SUMF1: variants seen among roughly 807,000 people sequenced by gnomAD.
The protein encoded by SUMF1 is sulfatase modifying factor 1, also known as formylglycine-generating enzyme.
Under a neutral mutation model 47.6 loss-of-function variants are expected in SUMF1, and 48 were observed. The ratio of observed to expected loss-of-function variants is 1.01; its 90% CI spans 0.80 to 1.28. The LOEUF (loss-of-function observed/expected upper bound fraction) is 1.28, where lower values mean the gene tolerates loss of function less well. SUMF1 is among the 50% of genes most tolerant of loss of function. The probability of loss-of-function intolerance (pLI) is 0.00; values close to 1 mark genes in which losing one functional copy is unlikely to be tolerated. For synonymous variants in SUMF1, 230 were observed against 192.1 expected, an observed-to-expected ratio of 1.20 and a Z score of -1.63; for missense variants, 571 against 485.4, an observed-to-expected ratio of 1.18 and a Z score of -1.66.
At chr3:4,047,910 C>T (rs934298973) in intron 9 of SUMF1, among the ~76,000 whole-genome samples, 7 of 152,046 alleles carry the variant, frequency 4.6e-5, no homozygotes, top group South Asian at 2.1e-4. Flanking sequence ...ATCTTACATG[C>T]TTTTATCATT....
At chr3:4,407,737 T>G (rs912524875) in intron 7 of SUMF1, among the ~76,000 whole-genome samples, 1 of 152,050 alleles carries the variant, frequency 6.6e-6, no homozygotes, top group African/African-American at 2.4e-5. Flanking sequence ...CCTAGAGAGG[T>G]GAAACTGTTT....
At chr3:4,269,603 A>G (rs1176491491) in intron 8 of SUMF1, among the ~76,000 whole-genome samples, 1 of 152,188 alleles carries the variant, frequency 6.6e-6, no homozygotes, top group South Asian at 2.1e-4. Context: ...GAGAGTTAAC[A>G]AAGACCAGAA....
At chr3:4,056,576 T>G (rs1253050291) in intron 9 of SUMF1, among the ~76,000 whole-genome samples, 1 of 151,972 alleles carries the variant, frequency 6.6e-6, no homozygotes. Flanking sequence ...GAGGATCGCT[T>G]GAGCCTAAAC....
At chr3:4,278,861 T>C (rs900049032) in intron 8 of SUMF1, among the ~76,000 whole-genome samples, 3 of 152,136 alleles carry the variant, frequency 2.0e-5, no homozygotes, top group African/African-American at 7.2e-5. Context: ...ATAATAAAAA[T>C]TCCCCATAGT....
rs530863340 is a variant in SUMF1 at position 4,368,598 on chromosome 3, C to G, written c.1015-6344G>C. On this transcript the variant is annotated intron_variant, in intron 8 of 8. Coordinates refer to ENST00000272902, the MANE Select transcript of SUMF1 (RefSeq NM_182760.4). ...ACTTGGAACCAACCCAAATGTCCAA[C>G]CATGACAGACTGGATTAAGAAAATG... Among the ~76,000 whole-genome samples the G allele has an allele frequency of 7.9e-5, 12 of 152,252 alleles. No homozygotes were observed. The South Asian group carries it at 1.0e-3, about 13-fold the overall frequency.
At chr3:4,404,993 G>A (rs758259914) in intron 7 of SUMF1, among the ~76,000 whole-genome samples, 1 of 152,198 alleles carries the variant, frequency 6.6e-6, no homozygotes, top group African/African-American at 2.4e-5. Flanking sequence ...GAAAATGGCA[G>A]TCTCATCGCC....
intron 8 of SUMF1, among the ~76,000 whole-genome samples, chr3:4,352,552 C>G (rs1489614311): frequency 6.6e-6 from 1 of 152,118 alleles, no homozygotes; most frequent in African/African-American, 2.4e-5. Flanking sequence ...GGTCCCACCA[C>G]AATGTCACCT....
At chr3:4,140,072 C>G (rs961667730) in intron 8 of SUMF1, among the ~76,000 whole-genome samples, 4 of 152,056 alleles carry the variant, frequency 2.6e-5, no homozygotes, top group Non-Finnish European at 5.9e-5. Context: ...TCTCGCCTAA[C>G]TCAAAACTCT....
chr3:4,444,647 T>C lies in SUMF1; in HGVS notation c.519+4619A>G, dbSNP rs9870068. Reference sequence around the variant, plus strand: ...GATTATAGACTAGTCTATCATCCCCTGTGTCCTTGAAAACCAGTATTCCTG... The same window carrying C: ...GATTATAGACTAGTCTATCATCCCCCGTGTCCTTGAAAACCAGTATTCCTG... On this transcript the variant is annotated intron_variant, in intron 3 of 8. Transcript: ENST00000272902. 9.4e-3 allele frequency among the ~76,000 whole-genome samples: 1,427 copies of C among 152,306 alleles called. 25 individuals carry two copies. The highest frequency in any genetic ancestry group is 0.033 in the African/African-American group (1,362 of 41,564).
At chr3:4,304,973 G>C (rs991588388) in intron 8 of SUMF1, among the ~76,000 whole-genome samples, 4 of 151,478 alleles carry the variant, frequency 2.6e-5, no homozygotes, top group East Asian at 1.9e-4. Flanking sequence ...TCAAAGTGGT[G>C]GGGGGGGCTT....
chr3:4,125,444 T>C (rs944499020), intron 8 of SUMF1, among the ~76,000 whole-genome samples: 1 of 152,174 alleles, frequency 6.6e-6, no homozygotes, highest in Non-Finnish European at 1.5e-5. Flanking sequence ...AATATTCCAA[T>C]AGACATCAAT....
chr3:4,236,120 T>C (rs1369622350), intron 8 of SUMF1, among the ~76,000 whole-genome samples: 3 of 152,036 alleles, frequency 2.0e-5, no homozygotes, highest in East Asian at 1.9e-4. Flanking sequence ...ATTTTTTGTA[T>C]AGATGGGGTT....
chr3:4,105,125 A>G (rs560901700), intron 8 of SUMF1, among the ~76,000 whole-genome samples: 13 of 152,290 alleles, frequency 8.5e-5, no homozygotes, highest in Non-Finnish European at 1.9e-4. Flanking sequence ...GAAATAAGCC[A>G]AGGACAGAAA....
At chr3:4,242,489 T>G (rs902396434) in intron 8 of SUMF1, among the ~76,000 whole-genome samples, 1 of 152,208 alleles carries the variant, frequency 6.6e-6, no homozygotes, top group Admixed American at 6.5e-5. Flanking sequence ...TGAAACACTG[T>G]TGAATTTTGT....
intron 8 of SUMF1, among the ~76,000 whole-genome samples, chr3:4,138,368 T>C (rs1434423879): frequency 6.6e-6 from 1 of 152,134 alleles, no homozygotes; most frequent in African/African-American, 2.4e-5. Flanking sequence ...GGAATATCTT[T>C]GTTTGCCTGA....
At chr3:4,064,285 G>C (rs570814859) in intron 9 of SUMF1, among the ~76,000 whole-genome samples, 2 of 152,188 alleles carry the variant, frequency 1.3e-5, no homozygotes, top group South Asian at 4.2e-4. Context: ...CATCCTCACT[G>C]ATCATTATAT....
At chr3:4,448,878 C>T (rs925798657) in intron 3 of SUMF1, among the ~76,000 whole-genome samples, 1 of 152,206 alleles carries the variant, frequency 6.6e-6, no homozygotes, top group African/African-American at 2.4e-5. Context: ...AGCTCTATCT[C>T]CACACCAGCA....
chr3:4,328,634 G>T (rs141782916), intron 8 of SUMF1, among the ~76,000 whole-genome samples: 1 of 152,170 alleles, frequency 6.6e-6, no homozygotes, highest in East Asian at 1.9e-4. Flanking sequence ...AACACATTGG[G>T]ATTATTATAA....
chr3:4,138,524 T>A (rs1331376622), intron 8 of SUMF1, among the ~76,000 whole-genome samples: 1 of 152,090 alleles, frequency 6.6e-6, no homozygotes, highest in African/African-American at 2.4e-5. Flanking sequence ...ATCAGCCACA[T>A]GGACAGTATG....
Sources: allele counts gnomAD v4.1 joint callset (sites outside exome capture counted in the v4.1 genomes callset), GRCh38; gene constraint gnomAD v4.1.1; transcripts MANE v1.5; gene names NCBI Gene and HGNC (gene_info 2026-07-23, HGNC 2026-07-21).